Variants in GRIN2A observed in about 807,000 individuals in gnomAD.
The protein encoded by GRIN2A is glutamate receptor ionotropic, NMDA 2A.
GRIN2A carries 22 observed loss-of-function variants against 113.4 expected under a neutral mutation model. That is an observed-to-expected ratio of 0.19 (90% CI 0.14 to 0.28). GRIN2A has a LOEUF of 0.28. GRIN2A is among the 10% of genes least tolerant of loss of function. The probability of loss-of-function intolerance (pLI) is 1.00; values close to 1 mark genes in which losing one functional copy is unlikely to be tolerated. For missense variants in GRIN2A, 1,502 were observed against 1,887.0 expected (o/e 0.80, Z 3.78); for synonymous variants, 827 against 738.4 (o/e 1.12, Z -1.94).
chr16:9,826,491 C>A (rs1269585470), intron 9 of GRIN2A, among the ~76,000 whole-genome samples: 1 of 152,070 alleles, frequency 6.6e-6, no homozygotes, highest in Non-Finnish European at 1.5e-5. Context: ...GCATTGTAAA[C>A]CTGAGTTGTT....
chr16:9,755,494 CACTTA>C lies in GRIN2A; in HGVS notation c.*7650_*7654del, dbSNP rs537062402. 2.4e-3 allele frequency: 439 copies of C among 182,744 alleles called. 4 individuals are homozygous for C. The highest frequency in any genetic ancestry group is 4.1e-3 in the Middle Eastern group (2 of 490). 11.3% of individuals were successfully genotyped at this position (182,744 alleles called of 1,614,324 possible). ...CTGAGAAATTTTTCTCATAGACTAG[CACTTA>C]ACTTGCATTAAGTTAGCTAACTCTC... is the stretch of plus-strand genomic sequence containing the variant. On this transcript the variant is annotated 3_prime_UTR_variant, in exon 13 of 13. Transcript: ENST00000330684.
At chr16:9,829,955 G>T (rs2042458964) in intron 8 of GRIN2A, among the ~76,000 whole-genome samples, 1 of 152,136 alleles carries the variant, frequency 6.6e-6, no homozygotes, top group South Asian at 2.1e-4. Flanking sequence ...TTTAAATTTG[G>T]ATTTGATTCC....
chr16:9,914,428 G>C (rs1296522799), intron 3 of GRIN2A, among the ~76,000 whole-genome samples: 1 of 152,208 alleles, frequency 6.6e-6, no homozygotes, highest in African/African-American at 2.4e-5. Flanking sequence ...GTGTCTAATA[G>C]AGTTAACTCA....
chr16:10,106,216 T>C (rs936996039), intron 2 of GRIN2A, among the ~76,000 whole-genome samples: 5 of 151,132 alleles, frequency 3.3e-5, no homozygotes, highest in African/African-American at 1.2e-4. Context: ...GGAAGTGTTT[T>C]TTTTTTTCTT....
At chr16:9,956,217 T>C (rs2045306626) in intron 2 of GRIN2A, among the ~76,000 whole-genome samples, 1 of 152,250 alleles carries the variant, frequency 6.6e-6, no homozygotes, top group Non-Finnish European at 1.5e-5. Context: ...GTGGGCTTTC[T>C]TGTGTTTTCT....
chr16:10,175,971 T>C (rs963433885), intron 2 of GRIN2A, among the ~76,000 whole-genome samples: 1 of 151,926 alleles, frequency 6.6e-6, no homozygotes, highest in Non-Finnish European at 1.5e-5. Flanking sequence ...AGCATTATTT[T>C]CACCTCTTAT....
chr16:10,103,868 G>A (rs2048445422), intron 2 of GRIN2A, among the ~76,000 whole-genome samples: 1 of 152,060 alleles, frequency 6.6e-6, no homozygotes, highest in Admixed American at 6.6e-5. Flanking sequence ...CAAATAATTG[G>A]GTATAGCAAT....
chr16:9,955,488 A>T (rs190619180), intron 2 of GRIN2A, among the ~76,000 whole-genome samples: 4 of 152,326 alleles, frequency 2.6e-5, no homozygotes, highest in African/African-American at 9.6e-5. Context: ...GTGCAAAAGT[A>T]AATTACTGTT....
chr16:10,116,807 C>T (rs1030378816), intron 2 of GRIN2A, among the ~76,000 whole-genome samples: 2 of 152,162 alleles, frequency 1.3e-5, no homozygotes, highest in African/African-American at 4.8e-5. Context: ...ACTTCTATCC[C>T]TCATCATTAA....
intron 2 of GRIN2A, among the ~76,000 whole-genome samples, chr16:10,169,791 G>A (rs953433501): frequency 1.3e-5 from 2 of 152,190 alleles, no homozygotes; most frequent in Admixed American, 6.5e-5. Flanking sequence ...CCAAACAACA[G>A]AAGAGGTATA....
chr16:10,173,123 C>G (rs1297567643), intron 2 of GRIN2A, among the ~76,000 whole-genome samples: 1 of 152,162 alleles, frequency 6.6e-6, no homozygotes, highest in Non-Finnish European at 1.5e-5. Flanking sequence ...TCTCTGATGA[C>G]TTAAGTGAGG....
intron 2 of GRIN2A, among the ~76,000 whole-genome samples, chr16:10,036,594 C>T (rs1020446761): frequency 1.3e-5 from 2 of 150,906 alleles, no homozygotes; most frequent in Admixed American, 6.6e-5. Context: ...GCACCCGCCA[C>T]AACGCCCGGC....
intron 2 of GRIN2A, among the ~76,000 whole-genome samples, chr16:9,996,984 A>G (rs2046235016): frequency 6.6e-6 from 1 of 152,324 alleles, no homozygotes; most frequent in African/African-American, 2.4e-5. Flanking sequence ...CAACCTTTAC[A>G]CAACTTAAGT....
intron 3 of GRIN2A, among the ~76,000 whole-genome samples, chr16:9,915,176 T>A (rs1469415596): frequency 6.6e-6 from 1 of 151,604 alleles, no homozygotes; most frequent in East Asian, 2.0e-4. Flanking sequence ...GACCTCATGA[T>A]CCGCCCGCCT....
At position 9,795,716 on chromosome 16, in the gene GRIN2A, T is replaced by C. The variant is rs189925682; in HGVS notation, c.2356+2561A>G. Among the ~76,000 whole-genome samples, 264 of 152,296 alleles carry C rather than the reference T, an allele frequency of 1.7e-3. 1 individual carries two copies. Among genetic ancestry groups the C allele is most frequent in the African/African-American group, 6.1e-3 (253 of 41,564 alleles). Reference sequence around the variant, plus strand: ...TCCCATTTCATCTTCACACCAGCCTTATTAGGTAATTATTTCTGTACCCTT... The same window carrying C: ...TCCCATTTCATCTTCACACCAGCCTCATTAGGTAATTATTTCTGTACCCTT... On this transcript the variant is annotated intron_variant, in intron 11 of 12. Transcript: ENST00000330684.
chr16:9,891,037 C>T lies in GRIN2A; in HGVS notation c.1071G>A (p.Val357=). 6.2e-7 allele frequency: 1 copy of T among 1,613,422 alleles called. No homozygotes were observed. Among genetic ancestry groups the T allele is most frequent in the East Asian group, 2.2e-5 (1 of 44,890 alleles). Residue 357 remains valine, a synonymous_variant, in exon 4 of 13, where the codon GTG becomes GTA. Transcript: ENST00000330684. The stretch of plus-strand genomic sequence containing the variant: ...GCACAATCACCACCAGCCTGGGGTG[C>T]ACCTGGTAGCCTTCCTCAGTGAAGG... The part of the protein sequence containing the change: ...DLSFTEEGYQ[V]HPRLVVIVLN...
intron 2 of GRIN2A, among the ~76,000 whole-genome samples, chr16:9,982,280 C>A (rs2045905690): frequency 6.6e-6 from 1 of 152,108 alleles, no homozygotes; most frequent in Non-Finnish European, 1.5e-5. Flanking sequence ...ACTTATTTTG[C>A]CAGGAATACT....
At chr16:10,056,163 A>G (rs2141997129) in intron 2 of GRIN2A, among the ~76,000 whole-genome samples, 1 of 152,354 alleles carries the variant, frequency 6.6e-6, no homozygotes, top group South Asian at 2.1e-4. Flanking sequence ...CTAATAACAG[A>G]GAAGATAAAT....
chr16:10,039,670 C>G (rs2083172793), intron 2 of GRIN2A, among the ~76,000 whole-genome samples: 1 of 151,286 alleles, frequency 6.6e-6, no homozygotes, highest in Non-Finnish European at 1.5e-5. Flanking sequence ...GGCGGCTGCT[C>G]GCTCTACTCC....
Sources: gnomAD v4.1 joint callset for allele counts (sites outside exome capture counted in the v4.1 genomes callset) on GRCh38, gnomAD v4.1.1 for gene constraint, MANE v1.5 for transcripts, NCBI Gene and HGNC (gene_info 2026-07-23, HGNC 2026-07-21) for gene names.